ZNF624: variants seen among roughly 807,000 people sequenced by gnomAD.
ZNF624 encodes the protein zinc finger protein 624.
In ZNF624, 43 loss-of-function variants were observed where a neutral mutation model predicts 74.7. The observed-to-expected ratio is 0.58, with a 90% CI of 0.45 to 0.74. ZNF624 has a LOEUF of 0.74. Ranked by LOEUF, ZNF624 falls within the 30% of genes least tolerant of loss-of-function variation. The probability of loss-of-function intolerance (pLI) is 0.00; values close to 1 mark genes in which losing one functional copy is unlikely to be tolerated. For missense variants in ZNF624, 820 were observed against 1,030.0 expected (o/e 0.80, Z 2.79); for synonymous variants, 331 against 341.3 (o/e 0.97, Z 0.33).
Position 16,623,114 on chromosome 17 carries a change from T to A in ZNF624, c.1772A>T (p.Glu591Val). The change falls in exon 6 of 6, where the codon GAG becomes GTG. Residue 591 changes from glutamate (E) to valine (V), a missense_variant. Transcript: ENST00000311331. The surrounding 1 kb of genome is among the most constrained non-coding windows in gnomAD (Gnocchi z 5.3). ...EKPYLCNECG[E>V]SFRIKSHLTV... is the part of the protein sequence containing the mutation. The stretch of plus-strand genomic sequence containing the variant: ...TAAGTGTGATTTTATTCTGAAAGAC[T>A]CCCCACATTCATTGCACAGATAAGG... 1 of 1,614,010 alleles carries A rather than the reference T, an allele frequency of 6.2e-7. No individual in the cohort carries two copies. Among genetic ancestry groups the A allele is most frequent in the Non-Finnish European group, 8.5e-7 (1 of 1,179,954 alleles).
At chr17:16,627,101 T>C (rs1291755678) in intron 5 of ZNF624, among the ~76,000 whole-genome samples, 2 of 151,942 alleles carry the variant, frequency 1.3e-5, no homozygotes, top group Non-Finnish European at 2.9e-5. Flanking sequence ...ATAAAACATA[T>C]CTATAGCACC....
At chr17:16,618,261 C>G (rs935614282), downstream of ZNF624, among the ~76,000 whole-genome samples, 1 of 151,950 alleles carries the variant, frequency 6.6e-6, no homozygotes, top group Non-Finnish European at 1.5e-5. Context: ...TTGCAGTGAG[C>G]CGAGATTGTG....
At chr17:16,617,017 G>T, downstream of ZNF624, 1 of 1,607,770 alleles carries the variant, frequency 6.2e-7, no homozygotes, top group Admixed American at 1.7e-5. Flanking sequence ...TTTTGACTTT[G>T]TATGACCCTT....
At chr17:16,648,114 C>CT (rs879396420) in intron 2 of ZNF624, among the ~76,000 whole-genome samples, 101 of 145,804 alleles carry the variant, frequency 6.9e-4, no homozygotes, top group Admixed American at 1.3e-3. Flanking sequence ...TTTTTGTACT[C>CT]TTTTTTTTTT....
intron 2 of ZNF624, among the ~76,000 whole-genome samples, chr17:16,648,216 T>C (rs753004636): frequency 1.3e-5 from 2 of 152,164 alleles, no homozygotes; most frequent in Admixed American, 1.3e-4. Flanking sequence ...AGTGCTAGGA[T>C]TGCAGGCATG....
chr17:16,626,444 A>T (rs2142579069), intron 5 of ZNF624, among the ~76,000 whole-genome samples: 1 of 151,676 alleles, frequency 6.6e-6, no homozygotes, highest in South Asian at 2.1e-4. Context: ...TAAAAAAAAA[A>T]GTTTGCTCTC....
At chr17:16,641,302 G>A (rs1253681995) in intron 3 of ZNF624, among the ~76,000 whole-genome samples, 1 of 148,770 alleles carries the variant, frequency 6.7e-6, no homozygotes, top group South Asian at 2.1e-4. Flanking sequence ...TTTTTTTTTG[G>A]ATACAGGATC....
rs748472856 is a variant in ZNF624 at position 16,622,975 on chromosome 17, C to T, written c.1911G>A (p.Val637=). ...LKEHQKIHTG[V]KPYKCYDCGK... is the part of the protein sequence containing the mutation. ...CACAGTCATAACATTTATAGGGTTT[C>T]ACTCCAGTATGAATTTTCTGATGCT... Residue 637 remains valine, a synonymous_variant, in exon 6 of 6, where the codon GTG becomes GTA. Transcript: ENST00000311331. 1 of 1,613,984 alleles carries T rather than the reference C, an allele frequency of 6.2e-7. No homozygotes were observed. Among genetic ancestry groups the T allele is most frequent in the Non-Finnish European group, 8.5e-7 (1 of 1,179,938 alleles).
intron 5 of ZNF624, among the ~76,000 whole-genome samples, chr17:16,625,378 C>T (rs1237300453): frequency 1.3e-5 from 2 of 152,094 alleles, no homozygotes; most frequent in East Asian, 1.9e-4. Context: ...GACGGGGTTT[C>T]GCCATGTTGG....
intron 1 of ZNF624, 199 bp downstream of exon 1, chr17:16,653,565 T>C (rs1317128935): frequency 6.6e-6 from 1 of 152,426 alleles, no homozygotes; most frequent in Non-Finnish European, 1.5e-5. Context: ...CACGCGGCCC[T>C]ACCTGTGAGG....
At chr17:16,628,550 G>A (rs1234962883) in intron 5 of ZNF624, among the ~76,000 whole-genome samples, 1 of 152,100 alleles carries the variant, frequency 6.6e-6, no homozygotes, top group Non-Finnish European at 1.5e-5. Context: ...GACAGCACAT[G>A]AGAGAGTTAG....
At chr17:16,646,921 A>AT (rs942437415) in intron 3 of ZNF624, among the ~76,000 whole-genome samples, 49 of 152,228 alleles carry the variant, frequency 3.2e-4, no homozygotes, top group African/African-American at 1.1e-3. Context: ...TCTGATTTTT[A>AT]TTTTTTCTGG....
chr17:16,632,758 A>G (rs1468687793), intron 5 of ZNF624, among the ~76,000 whole-genome samples: 2 of 152,158 alleles, frequency 1.3e-5, no homozygotes, highest in Admixed American at 6.5e-5. Flanking sequence ...TTCAATCTCT[A>G]TAAACAGGGT....
intron 3 of ZNF624, among the ~76,000 whole-genome samples, chr17:16,639,623 G>A (rs1210892947): frequency 6.6e-6 from 1 of 152,050 alleles, no homozygotes; most frequent in African/African-American, 2.4e-5. Context: ...ACATACAAAG[G>A]CCCCTTTGGC....
rs1908918567 is a variant in ZNF624, at chr17:16,621,770, A to T, written c.*518T>A. The T allele has an allele frequency of 6.6e-6, 1 of 152,456 alleles. No homozygotes were observed. Among genetic ancestry groups the T allele is most frequent in the African/African-American group, 2.4e-5 (1 of 41,460 alleles). The allele number at this position is 152,456 out of a possible 1,614,324, so 9.4% of individuals were successfully genotyped here. A position where few individuals can be genotyped will look rare whatever the true frequency, so the allele number is the denominator to read the frequency against. ...ATCTTAAAAACACATTTAGGATACTACGTATAACCTAGGGATTAAGGAGAT... is the reference window on the plus strand; with the variant it reads ...ATCTTAAAAACACATTTAGGATACTTCGTATAACCTAGGGATTAAGGAGAT... On this transcript the variant is annotated 3_prime_UTR_variant, in exon 6 of 6. Transcript: ENST00000311331.
intron 5 of ZNF624, among the ~76,000 whole-genome samples, chr17:16,627,662 G>A (rs1909104528): frequency 6.6e-6 from 1 of 152,176 alleles, no homozygotes; most frequent in African/African-American, 2.4e-5. Flanking sequence ...AGACAGAGAC[G>A]GATTTAGGTC....
Position 16,647,761 on chromosome 17 carries a change from TACTAAC to T in ZNF624, c.88-373_88-368del, listed in dbSNP as rs377325702. 1.5e-3 allele frequency among the ~76,000 whole-genome samples: 234 copies of T among 152,280 alleles called. 1 individual carries two copies. The highest frequency in any genetic ancestry group is 5.1e-3 in the African/African-American group (214 of 41,558). On this transcript the variant is annotated intron_variant, in intron 2 of 5. Coordinates refer to ENST00000311331, the MANE Select transcript of ZNF624 (RefSeq NM_020787.4). ...TTGCTCAAGAATAACACTCAAAACCTACTAACACTATCTGTTTTCTACAATTGAAAA... is the reference window on the plus strand; with the variant it reads ...TTGCTCAAGAATAACACTCAAAACCTACTATCTGTTTTCTACAATTGAAAA...
In ZNF624 at chr17:16,622,852, A is replaced by T. The variant is rs759847613; in HGVS notation, c.2034T>A (p.Thr678=). ...GGTGCACGGTAAGCTGTGATGTATT[A>T]GTGAAGGCTTTCTCACATTCATTAC... ...YKCNECEKAF[T]NTSQLTVHQR... is the part of the protein sequence containing the mutation. Residue 678 remains threonine, a synonymous_variant, in exon 6 of 6, where the codon ACT becomes ACA. Coordinates refer to ENST00000311331, the MANE Select transcript of ZNF624 (RefSeq NM_020787.4). 36 of 1,613,728 alleles carry T rather than the reference A, an allele frequency of 2.2e-5. No individual in the cohort carries two copies. Among genetic ancestry groups the T allele is most frequent in the Non-Finnish European group, 2.9e-5 (34 of 1,179,928 alleles).
chr17:16,634,678 G>A lies in ZNF624; in HGVS notation c.232C>T (p.Leu78=), dbSNP rs1393561091. The change falls in exon 4 of 6, where the codon CTG becomes TTG. Residue 78 remains leucine, a synonymous_variant. Coordinates refer to ENST00000311331, the MANE Select transcript of ZNF624 (RefSeq NM_020787.4). The part of the protein sequence containing the change: ...WRLMDPTQRN[L]HKDVMLENYR... ...TTCTCTAGCATCACATCCTTGTGCA[G>A]GTTCCTCTGTGTAGGGTCCATCAAC... 1.9e-6 allele frequency: 3 copies of A among 1,613,844 alleles called. No individual in the cohort carries two copies. The highest frequency in any genetic ancestry group is 2.7e-5 in the African/African-American group (2 of 75,042).
Sources: gnomAD v4.1 joint callset for allele counts (sites outside exome capture counted in the v4.1 genomes callset) on GRCh38, gnomAD v4.1.1 for gene constraint, Gnocchi (gnomAD v3.1) non-coding constraint, MANE v1.5 for transcripts, NCBI Gene and HGNC (gene_info 2026-07-23, HGNC 2026-07-21) for gene names.